Variants in TMEM154 observed in about 807,000 individuals in gnomAD.
The protein encoded by TMEM154 is transmembrane protein 154.
Under a neutral mutation model 24.5 loss-of-function variants are expected in TMEM154, and 27 were observed. The observed-to-expected ratio is 1.10, with a 90% CI of 0.81 to 1.52. The LOEUF is 1.52. Ranked by LOEUF, TMEM154 falls within the 40% of genes most tolerant of loss-of-function variation. The pLI is 0.00. For missense variants in TMEM154, 228 were observed against 213.4 expected (o/e 1.07, Z -0.43); for synonymous variants, 67 against 76.8 (o/e 0.87, Z 0.67).
At chr4:152,653,053 A>C (rs1728419842) in intron 1 of TMEM154, 126 bp from the exon 2 acceptor site, 3 of 932,246 alleles carry the variant, frequency 3.2e-6, no homozygotes, top group African/African-American at 3.4e-5. Flanking sequence ...CTTGGCCTCC[A>C]AGCTAAGTGT....
intron 6 of TMEM154, among the ~76,000 whole-genome samples, chr4:152,628,847 A>C (rs561213028): frequency 6.7e-6 from 1 of 149,798 alleles, no homozygotes; most frequent in South Asian, 2.1e-4. Flanking sequence ...GGGTTTCACC[A>C]TGTTAGCCAG....
rs1359753265 is a variant in TMEM154, at chr4:152,645,976, CACA to C, written c.365-1537_365-1535del. On this transcript the variant is annotated intron_variant, in intron 3 of 6. Transcript: ENST00000304385. ...ACACACACACACACACACACACACA[CACA>C]GACACCACAAACCCACACTTTCTAT... is the stretch of plus-strand genomic sequence containing the variant. 4.8e-5 allele frequency among the ~76,000 whole-genome samples: 7 copies of C among 145,448 alleles called. 1 individual carries two copies. The highest frequency in any genetic ancestry group is 1.8e-4 in the African/African-American group (7 of 38,460).
intron 1 of TMEM154, among the ~76,000 whole-genome samples, chr4:152,653,162 T>C (rs1159217811): frequency 6.6e-6 from 1 of 152,162 alleles, no homozygotes; most frequent in Non-Finnish European, 1.5e-5. Context: ...AGGTAGGCAG[T>C]TTTGCATTGA....
In TMEM154 at chr4:152,628,311, A is replaced by T; in HGVS notation, c.*235T>A. On this transcript the variant is annotated 3_prime_UTR_variant, in exon 7 of 7. Coordinates refer to ENST00000304385, the MANE Select transcript of TMEM154 (RefSeq NM_152680.3). ...CACCCGCCTCCTTCTCCACCCTCAG[A>T]GGCAGCGATGGATGGCAGCCAGGCC... 1.5e-6 allele frequency: 1 copy of T among 666,980 alleles called. No homozygotes were observed. The highest frequency in any genetic ancestry group is 2.5e-6 in the Non-Finnish European group (1 of 394,322). The allele number at this position is 666,980 out of a possible 1,614,324, so 41.3% of individuals were successfully genotyped here. A position where few individuals can be genotyped will look rare whatever the true frequency, so the allele number is the denominator to read the frequency against.
rs1327891264 is a variant in TMEM154 at position 152,621,283 on chromosome 4, A to G, written c.*7263T>C. 2 of 152,396 alleles carry G rather than the reference A, an allele frequency of 1.3e-5. No homozygotes were observed. The highest frequency in any genetic ancestry group is 3.9e-4 in the East Asian group (2 of 5,194). 9.4% of individuals were successfully genotyped at this position (152,396 alleles called of 1,614,324 possible). A position where few individuals can be genotyped will look rare whatever the true frequency, so the allele number is the denominator to read the frequency against. On this transcript the variant is annotated 3_prime_UTR_variant, in exon 7 of 7. Coordinates refer to ENST00000304385, the MANE Select transcript of TMEM154 (RefSeq NM_152680.3). ...TTTGGATCATGTGGCAACACAGGAA[A>G]GAAGCCCTGTACTAATGAAGGTGGG...
rs181806955 is a variant in TMEM154 at position 152,678,907 on chromosome 4, C to T, written c.64+963G>A. On this transcript the variant is annotated intron_variant, in intron 1 of 6. Transcript: ENST00000304385. ...GTGGCTGGGTGCTGGCTGCTGACCT[C>T]CAGGAAGTTGTCACATCTGTTAGGT... 4.2e-3 allele frequency among the ~76,000 whole-genome samples: 637 copies of T among 152,322 alleles called. 3 individuals carry two copies. The highest frequency in any genetic ancestry group is 5.5e-3 in the Non-Finnish European group (371 of 68,028).
Position 152,663,208 on chromosome 4 carries a change from T to A in TMEM154, c.65-10281A>T, listed in dbSNP as rs369964039. On this transcript the variant is annotated intron_variant, in intron 1 of 6. Coordinates refer to ENST00000304385, the MANE Select transcript of TMEM154 (RefSeq NM_152680.3). ...TCCATCACCTGTTCTCTTTCCCCCA[T>A]CTCTGTACTTGCCTGTTTCTCTGCT... is the stretch of plus-strand genomic sequence containing the variant. 1.8e-3 allele frequency among the ~76,000 whole-genome samples: 272 copies of A among 152,348 alleles called. 1 individual carries two copies. Among genetic ancestry groups the A allele is most frequent in the African/African-American group, 6.2e-3 (258 of 41,580 alleles).
rs777711906 is a variant in TMEM154 at position 152,627,283 on chromosome 4, G to A, written c.*1263C>T. 2 of 152,140 alleles carry A rather than the reference G, an allele frequency of 1.3e-5. No individual in the cohort carries two copies. Among genetic ancestry groups the A allele is most frequent in the Non-Finnish European group, 2.9e-5 (2 of 68,030 alleles). The allele number at this position is 152,140 out of a possible 1,614,324, so 9.4% of individuals were successfully genotyped here. ...TGTTTGGGTAGTCCCATCTCCCTTC[G>A]GTTTATATGTGGGTAGTAAAATAAA... On this transcript the variant is annotated 3_prime_UTR_variant, in exon 7 of 7. Transcript: ENST00000304385.
At position 152,653,209 on chromosome 4, in the gene TMEM154, G is replaced by A. The variant is rs112761230; in HGVS notation, c.65-282C>T. Among the ~76,000 whole-genome samples the A allele has an allele frequency of 9.9e-3, 1,503 of 152,200 alleles. 24 individuals are homozygous for A. The highest frequency in any genetic ancestry group is 0.034 in the African/African-American group (1,408 of 41,500). The stretch of plus-strand genomic sequence containing the variant: ...AGATACGCTTAAGCAAAGTGGATTC[G>A]GAAGCTTCCTCATGTTAAGGGTGAT... On this transcript the variant is annotated intron_variant, in intron 1 of 6. Coordinates refer to ENST00000304385, the MANE Select transcript of TMEM154 (RefSeq NM_152680.3).
intron 5 of TMEM154, among the ~76,000 whole-genome samples, chr4:152,641,758 T>C (rs1449976594): frequency 6.6e-6 from 1 of 150,810 alleles, no homozygotes; most frequent in East Asian, 1.9e-4. Flanking sequence ...TGAAGGACTA[T>C]CTCAATGACC....
chr4:152,631,201 A>T (rs1287641395), intron 6 of TMEM154, among the ~76,000 whole-genome samples: 2 of 152,176 alleles, frequency 1.3e-5, no homozygotes, highest in Admixed American at 1.3e-4. Flanking sequence ...TACAATTTAC[A>T]TTCTTCCAAC....
At chr4:152,631,713 G>A (rs1178069224) in intron 6 of TMEM154, among the ~76,000 whole-genome samples, 1 of 151,202 alleles carries the variant, frequency 6.6e-6, no homozygotes, top group African/African-American at 2.4e-5. Flanking sequence ...TTACAGGTGT[G>A]AGCCACCATG....
intron 3 of TMEM154, chr4:152,646,688 T>C (rs1212088434): frequency 7.4e-6 from 3 of 407,578 alleles, no homozygotes; most frequent in Non-Finnish European, 4.4e-6. Flanking sequence ...CAGTTCCTAC[T>C]TCCCCCCCAC....
intron 1 of TMEM154, among the ~76,000 whole-genome samples, chr4:152,666,047 A>G (rs772725494): frequency 4.6e-5 from 7 of 151,964 alleles, no homozygotes; most frequent in Non-Finnish European, 7.4e-5. Flanking sequence ...TCAGCCTCCC[A>G]AAGTGCCAGG....
chr4:152,631,355 A>G (rs1752039265), intron 6 of TMEM154, among the ~76,000 whole-genome samples: 5 of 152,236 alleles, frequency 3.3e-5, no homozygotes. Context: ...TAAACCTTTT[A>G]CAAAGCTTAG....
intron 1 of TMEM154, 94 bp downstream of exon 1, chr4:152,679,776 G>A: frequency 6.6e-7 from 1 of 1,508,870 alleles, no homozygotes; most frequent in Non-Finnish European, 9.0e-7. Context: ...AGATTTTCTG[G>A]GTGTCACCCT....
At chr4:152,672,466 C>T (rs188030252) in intron 1 of TMEM154, among the ~76,000 whole-genome samples, 2 of 152,232 alleles carry the variant, frequency 1.3e-5, no homozygotes, top group Admixed American at 1.3e-4. Context: ...AGGACAAGTG[C>T]TATGGAGAAA....
chr4:152,679,102 T>G (rs1241074870), intron 1 of TMEM154, among the ~76,000 whole-genome samples: 2 of 152,250 alleles, frequency 1.3e-5, no homozygotes, highest in African/African-American at 4.8e-5. Context: ...TGAAGGTGCT[T>G]GTGCTTGTTG....
At chr4:152,640,272 C>T (rs963827879) in intron 6 of TMEM154, among the ~76,000 whole-genome samples, 3 of 152,176 alleles carry the variant, frequency 2.0e-5, no homozygotes, top group Admixed American at 1.3e-4. Flanking sequence ...CAGCAGAGCT[C>T]TGCAGAGCCA....
Sources: gnomAD v4.1 joint callset for allele counts (sites outside exome capture counted in the v4.1 genomes callset) on GRCh38, gnomAD v4.1.1 for gene constraint, MANE v1.5 for transcripts, NCBI Gene and HGNC (gene_info 2026-07-23, HGNC 2026-07-21) for gene names.